The following FGGY variants were observed in gnomAD, a reference collection of about 807,000 sequenced individuals.
The protein encoded by FGGY is FGGY carbohydrate kinase domain containing.
In FGGY, 72 loss-of-function variants were observed where a neutral mutation model predicts 71.3. The ratio of observed to expected loss-of-function variants is 1.01; its 90% CI spans 0.84 to 1.23. The LOEUF is 1.23. Ranked by LOEUF, FGGY falls within the 50% of genes most tolerant of loss-of-function variation. The pLI is 0.00. For synonymous variants in FGGY, 251 were observed against 250.3 expected (o/e 1.00, Z -0.02); for missense variants, 668 against 682.3 (o/e 0.98, Z 0.23).
At chr1:59,329,444 AAT>A (rs145020238) in intron 2 of FGGY, among the ~76,000 whole-genome samples, 3,108 of 152,378 alleles carry the variant, frequency 0.02, 51 homozygotes, top group Middle Eastern at 0.058. Context: ...ATTTGTAAAA[AAT>A]GTAATATCTG....
intron 5 of FGGY, among the ~76,000 whole-genome samples, chr1:59,405,578 A>C (rs999432581): frequency 1.3e-5 from 2 of 152,212 alleles, no homozygotes; most frequent in African/African-American, 2.4e-5. Flanking sequence ...CTCACTAGTA[A>C]ACATCGAATG....
intron 2 of FGGY, among the ~76,000 whole-genome samples, chr1:59,337,952 T>C (rs2049924074): frequency 2.0e-5 from 3 of 152,228 alleles, no homozygotes. Context: ...GGGGAAAGCA[T>C]TCATGTTACC....
chr1:59,442,759 T>A (rs758005296), intron 5 of FGGY, among the ~76,000 whole-genome samples: 11 of 152,192 alleles, frequency 7.2e-5, no homozygotes, highest in Non-Finnish European at 1.6e-4. Flanking sequence ...GTTGTCATGA[T>A]GACAGTCATA....
At chr1:59,676,370 T>G (rs1489224889) in intron 14 of FGGY, among the ~76,000 whole-genome samples, 1 of 152,062 alleles carries the variant, frequency 6.6e-6, no homozygotes, top group African/African-American at 2.4e-5. Flanking sequence ...TCTTTAAAAA[T>G]ATTTTCTGGC....
intron 10 of FGGY, chr1:59,626,356 C>A: frequency 3.6e-6 from 1 of 277,108 alleles, no homozygotes; most frequent in Non-Finnish European, 6.7e-6. Flanking sequence ...AGCCATACTC[C>A]TTAATAGATA....
At chr1:59,494,896 G>T (rs2093984566) in intron 6 of FGGY, among the ~76,000 whole-genome samples, 1 of 152,114 alleles carries the variant, frequency 6.6e-6, no homozygotes, top group Admixed American at 6.5e-5. Context: ...CTTTGAGAAA[G>T]AAGTTCTCTA....
intron 8 of FGGY, among the ~76,000 whole-genome samples, chr1:59,560,900 CTG>C (rs2095782563): frequency 6.6e-6 from 1 of 152,182 alleles, no homozygotes; most frequent in African/African-American, 2.4e-5. Flanking sequence ...CACTGAGACA[CTG>C]TTCCTGCCAG....
At chr1:59,333,182 C>A (rs2048832823) in intron 2 of FGGY, among the ~76,000 whole-genome samples, 1 of 152,188 alleles carries the variant, frequency 6.6e-6, no homozygotes, top group Non-Finnish European at 1.5e-5. Flanking sequence ...GAGTTTGAGT[C>A]ATCTATATTT....
rs1274065850 is a variant in FGGY at position 59,301,906 on chromosome 1, T to TTC, written c.-15+4757_-15+4758insCT. Among the ~76,000 whole-genome samples the TTC allele has an allele frequency of 1.5e-3, 233 of 150,944 alleles. 2 individuals carry two copies. The highest frequency in any genetic ancestry group is 5.4e-3 in the African/African-American group (225 of 41,308). On this transcript the variant is annotated intron_variant, in intron 1 of 15. Transcript: ENST00000303721. ...TTTTGTATTTTTCTTTCTTTCTTTT[T>TTC]TTTTTTTTTAAGTAGAGATGGGGTT...
Position 59,482,651 on chromosome 1 carries a change from T to TATAA in FGGY, c.670+25576_670+25577insTAAA, listed in dbSNP as rs906608654. Among the ~76,000 whole-genome samples, 8 of 151,144 alleles carry TATAA rather than the reference T, an allele frequency of 5.3e-5. No individual in the cohort carries two copies. The East Asian group carries it at 1.4e-3, about 26-fold the overall frequency. ...GTCTGTGTGTATATATATATATATATAAACACCATATTCTGTGTCTTTTAT... is the reference window on the plus strand; with the variant it reads ...GTCTGTGTGTATATATATATATATATATAAAAACACCATATTCTGTGTCTTTTAT... On this transcript the variant is annotated intron_variant, in intron 6 of 15. Transcript: ENST00000303721.
intron 8 of FGGY, among the ~76,000 whole-genome samples, chr1:59,574,366 A>T (rs754346749): frequency 2.0e-5 from 3 of 152,072 alleles, no homozygotes; most frequent in Non-Finnish European, 2.9e-5. Flanking sequence ...AACAGTTATG[A>T]TTGCATTTAG....
rs535708945 is a variant in FGGY at position 59,504,285 on chromosome 1, T to C, written c.671-8026T>C. ...ATTTATAATAAACCAATAAACGTGT[T>C]TCCCTGAGTTATGTGAGCTGCTCTA... is the stretch of plus-strand genomic sequence containing the variant. On this transcript the variant is annotated intron_variant, in intron 6 of 15. Transcript: ENST00000303721. 5.3e-5 allele frequency among the ~76,000 whole-genome samples: 8 copies of C among 152,292 alleles called. No individual in the cohort carries two copies. The South Asian group carries it at 1.0e-3, about 20-fold the overall frequency.
At chr1:59,694,158 G>A (rs1034823921) in intron 14 of FGGY, among the ~76,000 whole-genome samples, 45 of 151,410 alleles carry the variant, frequency 3.0e-4, no homozygotes, top group African/African-American at 7.0e-4. Context: ...GCACAGTGGC[G>A]GGCGCCTGTC....
chr1:59,563,220 A>G (rs2095821482), intron 8 of FGGY, among the ~76,000 whole-genome samples: 1 of 152,120 alleles, frequency 6.6e-6, no homozygotes, highest in Non-Finnish European at 1.5e-5. Flanking sequence ...TCACTATGAT[A>G]TTGGCTGCGG....
chr1:59,627,302 G>A (rs1483380239), intron 10 of FGGY, among the ~76,000 whole-genome samples: 1 of 151,544 alleles, frequency 6.6e-6, no homozygotes. Flanking sequence ...TTTCATAGGT[G>A]TATATGTTAG....
intron 4 of FGGY, among the ~76,000 whole-genome samples, chr1:59,348,690 AG>A (rs1181952186): frequency 7.9e-5 from 12 of 152,184 alleles, no homozygotes; most frequent in Non-Finnish European, 1.5e-4. Context: ...AGGGTGCCTA[AG>A]GATTGCCATC....
intron 7 of FGGY, among the ~76,000 whole-genome samples, chr1:59,550,463 G>A (rs957911256): frequency 6.6e-6 from 1 of 152,142 alleles, no homozygotes; most frequent in African/African-American, 2.4e-5. Context: ...CTGAATTGGG[G>A]TGGACATTAG....
intron 14 of FGGY, among the ~76,000 whole-genome samples, chr1:59,686,692 C>T (rs748364461): frequency 2.6e-4 from 40 of 152,040 alleles, no homozygotes; most frequent in Admixed American, 6.6e-4. Context: ...TCATATTCAG[C>T]TTATCTAGTA....
In FGGY at chr1:59,321,767, T is replaced by G; in HGVS notation, c.201+17T>G. ...GTCACAAAGGTATGGGCAAAACTGGTGTTCTCTCCTTGTTCATATTCCTAC... is the reference window on the plus strand; with the variant it reads ...GTCACAAAGGTATGGGCAAAACTGGGGTTCTCTCCTTGTTCATATTCCTAC... On this transcript the variant is annotated intron_variant, in intron 2 of 15. Transcript: ENST00000303721. 2 of 1,602,474 alleles carry G rather than the reference T, an allele frequency of 1.2e-6. No homozygotes were observed. The highest frequency in any genetic ancestry group is 8.5e-7 in the Non-Finnish European group (1 of 1,174,696).
Sources: allele counts gnomAD v4.1 joint callset (sites outside exome capture counted in the v4.1 genomes callset), GRCh38; gene constraint gnomAD v4.1.1; transcripts MANE v1.5; gene names NCBI Gene and HGNC (gene_info 2026-07-23, HGNC 2026-07-21).